Variants in SLC12A1 observed in about 807,000 individuals in gnomAD.
The protein encoded by SLC12A1 is solute carrier family 12 member 1.
SLC12A1 carries 89 observed loss-of-function variants against 130.4 expected under a neutral mutation model. The observed-to-expected ratio is 0.68, with a 90% CI of 0.58 to 0.81. The LOEUF is 0.81. Among genes scored for constraint, SLC12A1 ranks in the 40% least tolerant of loss-of-function variants. The pLI, the probability that SLC12A1 is intolerant of heterozygous loss-of-function variation, is 0.00. For synonymous variants in SLC12A1, 499 were observed against 460.0 expected, an observed-to-expected ratio of 1.08 and a Z score of -1.09; for missense variants, 1,310 against 1,336.4, an observed-to-expected ratio of 0.98 and a Z score of 0.31.
chr15:48,293,098 A>C (rs1246635775), intron 24 of SLC12A1, among the ~76,000 whole-genome samples: 2 of 152,062 alleles, frequency 1.3e-5, no homozygotes, highest in African/African-American at 4.8e-5. Flanking sequence ...TGGTAGAGAC[A>C]GGCTTTCGCC....
chr15:48,259,351 C>T (rs1174870941), intron 17 of SLC12A1, 40 bp downstream of exon 17: 2 of 1,294,716 alleles, frequency 1.5e-6, no homozygotes, highest in Admixed American at 1.7e-5. Flanking sequence ...TTTTTCCTCC[C>T]TGCTTATCTT....
At position 48,299,972 on chromosome 15, in the gene SLC12A1, G is replaced by C. The variant is rs145780471; in HGVS notation, c.3096+697G>C. 5.8e-3 allele frequency among the ~76,000 whole-genome samples: 876 copies of C among 152,248 alleles called. 8 individuals are homozygous for C. Among genetic ancestry groups the C allele is most frequent in the African/African-American group, 0.02 (847 of 41,540 alleles). On this transcript the variant is annotated intron_variant, in intron 25 of 26. Transcript: ENST00000380993. ...TACAAAATCTTGAGTGTTTTCACAGGAGCACTCAAGCGCTGCTAATCTCAT... is the reference window on the plus strand; with the variant it reads ...TACAAAATCTTGAGTGTTTTCACAGCAGCACTCAAGCGCTGCTAATCTCAT...
intron 18 of SLC12A1, 99 bp downstream of exon 18, chr15:48,267,800 G>A: frequency 3.1e-6 from 4 of 1,306,570 alleles, no homozygotes; most frequent in South Asian, 2.6e-5. Flanking sequence ...AGGCAGCCAA[G>A]CATCAGAGAT....
intron 9 of SLC12A1, among the ~76,000 whole-genome samples, chr15:48,235,871 G>A (rs186018607): frequency 1.3e-5 from 2 of 152,188 alleles, no homozygotes; most frequent in East Asian, 1.9e-4. Context: ...TGGGAAGGGG[G>A]ATAAGCATGT....
At chr15:48,273,639 T>C (rs192873057) in intron 19 of SLC12A1, among the ~76,000 whole-genome samples, 64 of 152,338 alleles carry the variant, frequency 4.2e-4, no homozygotes, top group Non-Finnish European at 7.3e-4. Flanking sequence ...TGTGCCAGAA[T>C]AGAACTATTC....
In SLC12A1 at chr15:48,230,417, C is replaced by T. The variant is rs763966322; in HGVS notation, c.889C>T (p.Pro297Ser). 6.2e-7 allele frequency: 1 copy of T among 1,611,950 alleles called. No homozygotes were observed. ...GGAGAGTGATTCGATGATGGTGGATCCAACCAATGACATCCGGATTATAGG... is the reference window on the plus strand; with the variant it reads ...GGAGAGTGATTCGATGATGGTGGATTCAACCAATGACATCCGGATTATAGG... ...LKESDSMMVD[P>S]TNDIRIIGSI... Residue 297 changes from proline to serine, a missense_variant, in exon 7 of 27, where the codon CCA becomes TCA. Coordinates refer to ENST00000380993, the MANE Select transcript of SLC12A1 (RefSeq NM_000338.3).
chr15:48,284,506 G>A (rs4566100), intron 20 of SLC12A1, among the ~76,000 whole-genome samples: 150,809 of 152,334 alleles, frequency 0.99, 74,671 homozygotes, highest in Middle Eastern at 1. Flanking sequence ...GTGAATAAGG[G>A]TGGCATTAAA....
At chr15:48,259,608 C>T (rs1031061731) in intron 17 of SLC12A1, among the ~76,000 whole-genome samples, 3 of 152,176 alleles carry the variant, frequency 2.0e-5, no homozygotes, top group Admixed American at 6.5e-5. Flanking sequence ...AAAATGAAGG[C>T]ATTTGGGGTG....
chr15:48,288,802 T>C (rs1027394113), intron 23 of SLC12A1, among the ~76,000 whole-genome samples: 14 of 152,230 alleles, frequency 9.2e-5, no homozygotes, highest in African/African-American at 2.9e-4. Flanking sequence ...TTATCTCATA[T>C]AATGCTTATT....
At chr15:48,236,524 G>A (rs1386946744) in intron 9 of SLC12A1, among the ~76,000 whole-genome samples, 2 of 152,190 alleles carry the variant, frequency 1.3e-5, no homozygotes, top group Non-Finnish European at 2.9e-5. Context: ...TTGAGCCAGA[G>A]GTGCTTGCCC....
chr15:48,265,649 T>C (rs2041824570), intron 17 of SLC12A1, among the ~76,000 whole-genome samples: 1 of 152,314 alleles, frequency 6.6e-6, no homozygotes, highest in Admixed American at 6.5e-5. Flanking sequence ...TCTATCTTCA[T>C]GGAAGTTTCT....
intron 24 of SLC12A1, among the ~76,000 whole-genome samples, chr15:48,295,953 G>T (rs75524715): frequency 6.6e-6 from 1 of 152,138 alleles, no homozygotes; most frequent in Non-Finnish European, 1.5e-5. Flanking sequence ...CACTAGTAGC[G>T]CGTCTGGCAC....
chr15:48,225,216 C>G (rs987956667), intron 4 of SLC12A1: 10 of 152,192 alleles, frequency 6.6e-5, no homozygotes, highest in Non-Finnish European at 1.3e-4. Flanking sequence ...AGAATTCACA[C>G]GGTCAACAAG....
rs559699986 is a variant in SLC12A1 at position 48,299,519 on chromosome 15, T to C, written c.3096+244T>C. Among the ~76,000 whole-genome samples, 3 of 152,340 alleles carry C rather than the reference T, an allele frequency of 2.0e-5. No individual in the cohort carries two copies. The East Asian group carries it at 5.8e-4, about 29-fold the overall frequency. ...TTAAAAAATAGGTTATTGGTACATA[T>C]TGTGAAGTCTCCTTTCAAATTTAAT... On this transcript the variant is annotated intron_variant, in intron 25 of 26. Coordinates refer to ENST00000380993, the MANE Select transcript of SLC12A1 (RefSeq NM_000338.3).
At chr15:48,256,829 C>CCG (rs1555384125) in intron 16 of SLC12A1, among the ~76,000 whole-genome samples, 9 of 146,766 alleles carry the variant, frequency 6.1e-5, no homozygotes, top group African/African-American at 2.3e-4. Flanking sequence ...CTGGCCCCCC[C>CCG]CCCCAAATTT....
chr15:48,220,770 G>C lies in SLC12A1; in HGVS notation c.552+5G>C. 6.2e-7 allele frequency: 1 copy of C among 1,613,926 alleles called. No individual in the cohort carries two copies. On this transcript the variant is annotated splice_donor_5th_base_variant and intron_variant, in intron 3 of 26. Coordinates refer to ENST00000380993, the MANE Select transcript of SLC12A1 (RefSeq NM_000338.3). ...GGATGGGTGAAAGGTGTGCTGGTGA[G>C]AAAGCTCTTCTGTTTACAAATGAAA...
chr15:48,270,814 A>G, intron 19 of SLC12A1, among the ~76,000 whole-genome samples: 1 of 10,488 alleles, frequency 9.5e-5, no homozygotes, highest in East Asian at 2.3e-3. Flanking sequence ...TACTTGGAGT[A>G]TATAATATGT....
At chr15:48,290,718 G>A (rs1287721741) in intron 23 of SLC12A1, among the ~76,000 whole-genome samples, 1 of 151,912 alleles carries the variant, frequency 6.6e-6, no homozygotes, top group Admixed American at 6.6e-5. Flanking sequence ...ATGCATATAT[G>A]CATATATGCA....
chr15:48,273,156 T>C (rs2041916379), intron 19 of SLC12A1, among the ~76,000 whole-genome samples: 2 of 151,654 alleles, frequency 1.3e-5, no homozygotes, highest in Admixed American at 6.6e-5. Flanking sequence ...TGTCGATTAG[T>C]CTGGCACGTG....
Sources: allele counts gnomAD v4.1 joint callset (sites outside exome capture counted in the v4.1 genomes callset), GRCh38; gene constraint gnomAD v4.1.1; transcripts MANE v1.5; gene names NCBI Gene and HGNC (gene_info 2026-07-23, HGNC 2026-07-21).